ODF2: variants seen among roughly 807,000 people sequenced by gnomAD.
ODF2 encodes outer dense fiber of sperm tails 2, also known as outer dense fiber protein 2.
Under a neutral mutation model 110.2 loss-of-function variants are expected in ODF2, and 47 were observed. The ratio of observed to expected loss-of-function variants is 0.43; its 90% CI spans 0.34 to 0.54. ODF2 has a LOEUF of 0.54. Ranked by LOEUF, ODF2 falls within the 20% of genes least tolerant of loss-of-function variation. The pLI is 0.03. For synonymous variants in ODF2, 352 were observed against 397.7 expected, an observed-to-expected ratio of 0.89 and a Z score of 1.37; for missense variants, 812 against 1,054.5, an observed-to-expected ratio of 0.77 and a Z score of 3.19.
intron 13 of ODF2, among the ~76,000 whole-genome samples, chr9:128,486,429 G>A (rs535479558): frequency 1.3e-5 from 2 of 152,340 alleles, no homozygotes; most frequent in Non-Finnish European, 1.5e-5. Flanking sequence ...TTAAGTGTGA[G>A]TAGGAGTTTG....
intron 2 of ODF2, among the ~76,000 whole-genome samples, chr9:128,459,027 T>G (rs1835712620): frequency 6.6e-6 from 1 of 152,084 alleles, no homozygotes; most frequent in South Asian, 2.1e-4. Flanking sequence ...GTATGTTTTG[T>G]AGAGATGGGG....
At position 128,494,751 on chromosome 9, in the gene ODF2, A is replaced by C; in HGVS notation, c.1911+83A>C. ...AGATGAGCTGCACGCCCCCCAAGGG[A>C]GGACTACTTCCTTTTTCTTGGCTGC... On this transcript the variant is annotated intron_variant, in intron 17 of 20. Transcript: ENST00000604420. The surrounding 1 kb of genome is among the most constrained non-coding windows in gnomAD (Gnocchi z 4.6). The C allele has an allele frequency of 6.2e-7, 1 of 1,612,552 alleles. No homozygotes were observed. Among genetic ancestry groups the C allele is most frequent in the Non-Finnish European group, 8.5e-7 (1 of 1,179,464 alleles).
intron 1 of ODF2, chr9:128,456,838 G>T (rs907972427): frequency 5.3e-6 from 7 of 1,312,484 alleles, no homozygotes; most frequent in Non-Finnish European, 4.9e-6. Context: ...TCGCGGCGGG[G>T]CGCCCGGGGC....
chr9:128,492,186 T>C (rs1487602854), intron 14 of ODF2, among the ~76,000 whole-genome samples: 1 of 152,312 alleles, frequency 6.6e-6, no homozygotes, highest in East Asian at 1.9e-4. Context: ...CCATTTTCTT[T>C]AATGATTATA....
rs1474750723 is a variant in ODF2 at position 128,487,994 on chromosome 9, C to G, written c.1505C>G (p.Ser502Cys). 6.2e-7 allele frequency: 1 copy of G among 1,613,994 alleles called. No homozygotes were observed. The highest frequency in any genetic ancestry group is 2.2e-5 in the East Asian group (1 of 44,868). The stretch of plus-strand genomic sequence containing the variant: ...CTACACCGTCAGACTGCTGAGTATT[C>G]CGCATTCAAGCTGGAGAATGAGAGG... The change falls in exon 14 of 21, where the codon TCC (serine) becomes TGC (cysteine). Residue 502 changes from serine to cysteine, a missense_variant. By Grantham distance (112) the Ser-to-Cys change is moderately radical (BLOSUM62 -1). Around this residue, in one of 5 missense-constraint regions of ODF2, gnomAD observed 165 missense variants for 293.4 expected, o/e 0.56. Coordinates refer to ENST00000604420, the Ensembl canonical transcript of ODF2.
chr9:128,457,598 T>C (rs4240429), intron 2 of ODF2, among the ~76,000 whole-genome samples: 39,540 of 152,098 alleles, frequency 0.26, 5,716 homozygotes, highest in East Asian at 0.39. Context: ...GGGAACGAAA[T>C]GTATACACAA....
chr9:128,500,331 T>C, exon 21 of ODF2: 1 of 1,481,436 alleles, frequency 6.8e-7, no homozygotes, highest in South Asian at 1.2e-5. Flanking sequence ...CTGAGAAGCC[T>C]GGTGGTTTTC....
At chr9:128,460,519 C>T (rs766520755) in intron 3 of ODF2, 31 bp from the exon 3 acceptor site, 2 of 1,609,454 alleles carry the variant, frequency 1.2e-6, no homozygotes, top group African/African-American at 1.3e-5. Flanking sequence ...ACAGATCAAC[C>T]ATTTTTGTGT....
chr9:128,482,793 T>TGACAGC (rs775357807), intron 9 of ODF2, 23 bp from the exon 10 acceptor site: 3 of 1,606,866 alleles, frequency 1.9e-6, no homozygotes, highest in Non-Finnish European at 2.6e-6. Flanking sequence ...CAGGGGCACC[T>TGACAGC]GACAGCCTGT....
chr9:128,485,519 T>G lies in ODF2; in HGVS notation c.1400+45T>G. 1 of 1,126,452 alleles carries G rather than the reference T, an allele frequency of 8.9e-7. No homozygotes were observed. The highest frequency in any genetic ancestry group is 1.3e-5 in the South Asian group (1 of 77,702). The allele number at this position is 1,126,452 out of a possible 1,614,324, so 69.8% of individuals were successfully genotyped here. The stretch of plus-strand genomic sequence containing the variant: ...AGGGAATGTGGCGCTGTTGAGGGAC[T>G]TGGGTGTGCAGGTGGGAGGGGCCTA... On this transcript the variant is annotated intron_variant, in intron 13 of 20. Transcript: ENST00000604420. This position sits in a 1 kb window ranked among gnomAD's most constrained non-coding sequence, Gnocchi z 5.0.
chr9:128,457,284 C>T (rs1265870311), exon 2 of ODF2: 2 of 1,604,250 alleles, frequency 1.2e-6, no homozygotes, highest in African/African-American at 2.7e-5. Flanking sequence ...CCCTTCTCCC[C>T]TCAGAGAGGA....
chr9:128,466,469 A>C (rs1837940329), intron 4 of ODF2, among the ~76,000 whole-genome samples: 1 of 146,852 alleles, frequency 6.8e-6, no homozygotes, highest in South Asian at 2.1e-4. Context: ...CCCATCTCAA[A>C]AAAAAAAAAA....
chr9:128,484,645 C>A, intron 11 of ODF2, 56 bp from the exon 12 acceptor site: 1 of 1,536,888 alleles, frequency 6.5e-7, no homozygotes, highest in Non-Finnish European at 8.8e-7. Flanking sequence ...GCTTTGCCTT[C>A]CCACAACCTC....
At chr9:128,456,760 G>A in intron 1 of ODF2, 3 of 877,878 alleles carry the variant, frequency 3.4e-6, no homozygotes, top group Non-Finnish European at 3.9e-6. Context: ...TCGCCCGGCG[G>A]GGGGGGGTCC....
exon 4 of ODF2, chr9:128,461,056 T>A: frequency 6.2e-7 from 1 of 1,614,172 alleles, no homozygotes; most frequent in South Asian, 1.1e-5. Context: ...GCCTGTGGGA[T>A]GCAAGTGGGA....
chr9:128,477,201 C>T (rs1454238056), intron 8 of ODF2, among the ~76,000 whole-genome samples: 1 of 149,360 alleles, frequency 6.7e-6, no homozygotes, highest in Non-Finnish European at 1.5e-5. Context: ...CCACTATACT[C>T]CAGCCTGGGT....
intron 1 of ODF2, chr9:128,457,189 C>A: frequency 1.3e-6 from 2 of 1,513,000 alleles, no homozygotes; most frequent in Non-Finnish European, 1.8e-6. Context: ...TTTCCCCCTA[C>A]TTTGGCAGGA....
At chr9:128,466,913 C>G (rs1420944751) in intron 4 of ODF2, among the ~76,000 whole-genome samples, 1 of 131,904 alleles carries the variant, frequency 7.6e-6, no homozygotes, top group Non-Finnish European at 1.6e-5. Flanking sequence ...GGAGGCGGAG[C>G]TTGCAGTGAG....
At chr9:128,456,351 C>T in intron 1 of ODF2, 96 bp downstream of exon 1, 1 of 1,435,090 alleles carries the variant, frequency 7.0e-7, no homozygotes, top group South Asian at 1.5e-5. Context: ...CCCCGCGGGG[C>T]CGTCGGGTCC....
Sources: allele counts gnomAD v4.1 joint callset (sites outside exome capture counted in the v4.1 genomes callset), GRCh38; gene constraint gnomAD v4.1.1; regional missense constraint gnomAD v4.1.1; non-coding constraint Gnocchi (gnomAD v3.1); transcripts MANE v1.5; gene names NCBI Gene and HGNC (gene_info 2026-07-23, HGNC 2026-07-21).